EPB41L4B: variants seen among roughly 807,000 people sequenced by gnomAD.
EPB41L4B encodes the protein erythrocyte membrane protein band 4.1 like 4B, also known as band 4.1-like protein 4B.
In EPB41L4B, 30 loss-of-function variants were observed where a neutral mutation model predicts 112.5. That is an observed-to-expected ratio of 0.27 (90% CI 0.20 to 0.36). The LOEUF (loss-of-function observed/expected upper bound fraction) is 0.36. Among genes scored for constraint, EPB41L4B ranks in the 10% least tolerant of loss-of-function variants. The pLI is 1.00. For synonymous variants in EPB41L4B, 408 were observed against 439.7 expected, an observed-to-expected ratio of 0.93 and a Z score of 0.90; for missense variants, 1,024 against 1,133.3, an observed-to-expected ratio of 0.90 and a Z score of 1.38.
chr9:109,258,343 T>C (rs1216200600), intron 6 of EPB41L4B, 46 bp from the exon 7 acceptor site: 8 of 1,595,306 alleles, frequency 5.0e-6, no homozygotes. Flanking sequence ...ATTGAATGAT[T>C]TCAGTTATTG....
intron 15 of EPB41L4B, chr9:109,241,458 T>C (rs1391481105): frequency 6.0e-6 from 8 of 1,340,076 alleles, no homozygotes; most frequent in East Asian, 2.8e-5. Flanking sequence ...TTTACCTTCA[T>C]TTTAATGAGA....
intron 4 of EPB41L4B, among the ~76,000 whole-genome samples, chr9:109,266,806 C>T (rs1835416475): frequency 6.6e-6 from 1 of 151,758 alleles, no homozygotes; most frequent in Non-Finnish European, 1.5e-5. Context: ...TGTCTCCAGT[C>T]AAATATATAA....
intron 18 of EPB41L4B, among the ~76,000 whole-genome samples, chr9:109,205,130 C>T (rs1236618265): frequency 6.6e-6 from 1 of 152,214 alleles, no homozygotes; most frequent in African/African-American, 2.4e-5. Flanking sequence ...CTGATGTGTA[C>T]TGGGACTGTC....
In EPB41L4B at chr9:109,320,502, TGCCGCTGCG is replaced by T. The variant is rs1837833753; in HGVS notation, c.-65_-57del. ...CCTGCGCTGCCGCTGCCGCTGCCGC[TGCCGCTGCG>T]CCGCCGCCCGGGAGCGTCCCGCGAC... On this transcript the variant is annotated 5_prime_UTR_variant, in exon 1 of 26. Transcript: ENST00000374566. 1.2e-6 allele frequency: 1 copy of T among 832,074 alleles called. No homozygotes were observed. The highest frequency in any genetic ancestry group is 1.4e-6 in the Non-Finnish European group (1 of 691,406). 51.5% of individuals were successfully genotyped at this position (832,074 alleles called of 1,614,324 possible). A position where few individuals can be genotyped will look rare whatever the true frequency, so the allele number is the denominator to read the frequency against.
At chr9:109,238,865 T>C (rs1408788201) in intron 15 of EPB41L4B, among the ~76,000 whole-genome samples, 1 of 152,198 alleles carries the variant, frequency 6.6e-6, no homozygotes, top group Non-Finnish European at 1.5e-5. Flanking sequence ...CAGCAGGGTG[T>C]GGCACATGCC....
At chr9:109,266,876 G>A (rs549958533) in intron 4 of EPB41L4B, among the ~76,000 whole-genome samples, 1 of 150,144 alleles carries the variant, frequency 6.7e-6, no homozygotes, top group African/African-American at 2.4e-5. Flanking sequence ...GGCTGAGGCA[G>A]GAGAATCGCT....
At chr9:109,237,271 G>C (rs1036934135) in intron 15 of EPB41L4B, among the ~76,000 whole-genome samples, 12 of 152,184 alleles carry the variant, frequency 7.9e-5, no homozygotes, top group African/African-American at 2.9e-4. Context: ...AAAGGGTTTT[G>C]AAGACCAAGG....
rs367929956 is a variant in EPB41L4B, at chr9:109,193,100, C to T, written c.2224-745G>A. On this transcript the variant is annotated intron_variant, in intron 21 of 25. Coordinates refer to ENST00000374566, the MANE Select transcript of EPB41L4B (RefSeq NM_019114.5). ...ACAAAGTTGTACAGGGGGCTCCACA[C>T]AGTGGAGGATAATCCAGGCTGAGAT... Among the ~76,000 whole-genome samples the T allele has an allele frequency of 2.9e-4, 44 of 152,314 alleles. No individual in the cohort carries two copies. In the South Asian group the frequency reaches 4.1e-3, roughly 14 times the overall value.
chr9:109,263,144 A>C, intron 5 of EPB41L4B, 42 bp from the exon 6 acceptor site: 1 of 1,229,316 alleles, frequency 8.1e-7, no homozygotes, highest in Non-Finnish European at 1.2e-6. Context: ...ATAGGAACTT[A>C]AGTACAACCA....
chr9:109,298,737 G>A (rs977323006), intron 1 of EPB41L4B, among the ~76,000 whole-genome samples: 4 of 152,196 alleles, frequency 2.6e-5, no homozygotes, highest in South Asian at 2.1e-4. Context: ...CCTAGGTAAC[G>A]TCTCGTCATC....
chr9:109,184,307 C>T (rs1164974681), intron 23 of EPB41L4B, among the ~76,000 whole-genome samples: 1 of 152,198 alleles, frequency 6.6e-6, no homozygotes. Context: ...GCAACCTCCG[C>T]CCCCCAGGTT....
At chr9:109,235,617 C>T (rs757283175) in intron 15 of EPB41L4B, among the ~76,000 whole-genome samples, 12 of 151,820 alleles carry the variant, frequency 7.9e-5, no homozygotes, top group Non-Finnish European at 1.6e-4. Flanking sequence ...AGGCTGGTCA[C>T]GAACTCCTGA....
At chr9:109,257,949 T>C (rs1053510354) in intron 7 of EPB41L4B, among the ~76,000 whole-genome samples, 4 of 152,168 alleles carry the variant, frequency 2.6e-5, no homozygotes, top group Non-Finnish European at 5.9e-5. Flanking sequence ...TGAGCCAACA[T>C]AGTGCCACTG....
chr9:109,300,776 A>G (rs1836931527), intron 1 of EPB41L4B: 1 of 152,166 alleles, frequency 6.6e-6, no homozygotes, highest in African/African-American at 2.4e-5. Flanking sequence ...ACAAAGCAAG[A>G]CTTTGTCTCA....
At chr9:109,314,050 A>G (rs1837530228) in intron 1 of EPB41L4B, among the ~76,000 whole-genome samples, 1 of 152,212 alleles carries the variant, frequency 6.6e-6, no homozygotes, top group African/African-American at 2.4e-5. Flanking sequence ...CCTGGAAAAC[A>G]CACCCAGATG....
At chr9:109,254,963 C>T (rs987132552) in intron 11 of EPB41L4B, among the ~76,000 whole-genome samples, 2 of 152,216 alleles carry the variant, frequency 1.3e-5, no homozygotes, top group South Asian at 4.1e-4. Context: ...GTTGAATCTC[C>T]GCTCTACCAC....
intron 1 of EPB41L4B, among the ~76,000 whole-genome samples, chr9:109,313,046 G>T (rs1046257947): frequency 6.6e-6 from 1 of 152,108 alleles, no homozygotes; most frequent in African/African-American, 2.4e-5. Flanking sequence ...TTCCAGGCCA[G>T]CCTGGGCAAT....
At chr9:109,285,325 C>T (rs1011637396) in intron 1 of EPB41L4B, among the ~76,000 whole-genome samples, 1 of 151,960 alleles carries the variant, frequency 6.6e-6, no homozygotes, top group African/African-American at 2.4e-5. Flanking sequence ...AGAAGGGGCT[C>T]GAGGTGGAGG....
intron 15 of EPB41L4B, among the ~76,000 whole-genome samples, chr9:109,225,326 A>G (rs1833720183): frequency 1.3e-5 from 2 of 152,254 alleles, no homozygotes; most frequent in South Asian, 4.1e-4. Context: ...GCCCTGTATT[A>G]GTCCGTTTTC....
Sources: allele counts gnomAD v4.1 joint callset (sites outside exome capture counted in the v4.1 genomes callset), GRCh38; gene constraint gnomAD v4.1.1; transcripts MANE v1.5; gene names NCBI Gene and HGNC (gene_info 2026-07-23, HGNC 2026-07-21).